Variants in PARD3 observed in about 807,000 individuals in gnomAD.
PARD3 encodes partitioning defective 3 homolog.
A neutral mutation model predicts 155.4 loss-of-function variants in PARD3; 75 were observed. The observed-to-expected ratio is 0.48, with a 90% CI of 0.40 to 0.58. The LOEUF is 0.58. PARD3 is among the 20% of genes least tolerant of loss of function. The pLI, the probability that PARD3 is intolerant of heterozygous loss-of-function variation, is 0.00. For missense variants in PARD3, 1,642 were observed against 1,721.7 expected, an observed-to-expected ratio of 0.95 and a Z score of 0.82; for synonymous variants, 576 against 610.5, an observed-to-expected ratio of 0.94 and a Z score of 0.83.
At chr10:34,129,832 C>CTTTTTTT (rs71030099) in intron 23 of PARD3, among the ~76,000 whole-genome samples, 3 of 120,126 alleles carry the variant, frequency 2.5e-5, no homozygotes, top group Admixed American at 8.7e-5. Context: ...TAATTAAAAA[C>CTTTTTTT]TTTTTTTTTT....
At chr10:34,744,055 C>A (rs1233709064) in intron 1 of PARD3, among the ~76,000 whole-genome samples, 2 of 152,186 alleles carry the variant, frequency 1.3e-5, no homozygotes, top group Non-Finnish European at 2.9e-5. Context: ...CAGGCCTGAG[C>A]CAATCCAGAT....
intron 18 of PARD3, among the ~76,000 whole-genome samples, chr10:34,335,957 C>G (rs1482414397): frequency 6.6e-6 from 1 of 151,952 alleles, no homozygotes; most frequent in Non-Finnish European, 1.5e-5. Flanking sequence ...TTAAGAAAAT[C>G]TAGGTTGTTT....
At chr10:34,799,848 C>T (rs1842682416) in intron 1 of PARD3, among the ~76,000 whole-genome samples, 1 of 151,116 alleles carries the variant, frequency 6.6e-6, no homozygotes, top group Non-Finnish European at 1.5e-5. Flanking sequence ...AACAAGTTAG[C>T]CAAGTGTGGT....
chr10:34,680,784 T>G (rs1321000855), intron 2 of PARD3, among the ~76,000 whole-genome samples: 2 of 129,608 alleles, frequency 1.5e-5, no homozygotes, highest in Non-Finnish European at 3.1e-5. Context: ...AATTGAACAA[T>G]GAGATCACAT....
chr10:34,532,948 T>A (rs1225080815), intron 2 of PARD3, among the ~76,000 whole-genome samples: 1 of 152,222 alleles, frequency 6.6e-6, no homozygotes, highest in Non-Finnish European at 1.5e-5. Context: ...GTATACCCTA[T>A]TACACACCTA....
At chr10:34,402,634 C>T (rs990501161) in intron 5 of PARD3, among the ~76,000 whole-genome samples, 1 of 152,158 alleles carries the variant, frequency 6.6e-6, no homozygotes. Context: ...TACTCAGCCC[C>T]CATCCTCCTA....
At chr10:34,485,716 T>A (rs528688579) in intron 3 of PARD3, among the ~76,000 whole-genome samples, 80 of 152,176 alleles carry the variant, frequency 5.3e-4, no homozygotes, top group Non-Finnish European at 1.0e-3. Context: ...TCAGGGAGAA[T>A]AGATGGTAAA....
intron 24 of PARD3, among the ~76,000 whole-genome samples, chr10:34,116,487 G>GT (rs1268797190): frequency 6.6e-6 from 1 of 152,144 alleles, no homozygotes; most frequent in Non-Finnish European, 1.5e-5. Context: ...GGTGGTTGCA[G>GT]TCCCCCCTGA....
chr10:34,748,972 T>A (rs1175514243), intron 1 of PARD3, among the ~76,000 whole-genome samples: 1 of 152,224 alleles, frequency 6.6e-6, no homozygotes, highest in Non-Finnish European at 1.5e-5. Flanking sequence ...ATCTTCCTTA[T>A]CTTTGTAGCA....
At chr10:34,560,513 C>G (rs2085381966) in intron 2 of PARD3, among the ~76,000 whole-genome samples, 1 of 152,202 alleles carries the variant, frequency 6.6e-6, no homozygotes, top group Non-Finnish European at 1.5e-5. Context: ...AAACAATCTA[C>G]TAAGTGAAAA....
intron 20 of PARD3, among the ~76,000 whole-genome samples, chr10:34,288,395 C>G (rs1399918886): frequency 6.6e-6 from 1 of 152,050 alleles, no homozygotes; most frequent in African/African-American, 2.4e-5. Context: ...ATGGATCACT[C>G]ACAGCTGTAA....
At chr10:34,175,076 A>C (rs74332432) in intron 22 of PARD3, among the ~76,000 whole-genome samples, 1 of 152,140 alleles carries the variant, frequency 6.6e-6, no homozygotes, top group East Asian at 1.9e-4. Flanking sequence ...ATCATTATTA[A>C]TTGTATCAAT....
rs752993561 is a variant in PARD3, at chr10:34,384,147, C to T, written c.998G>A (p.Arg333Gln). 14 of 1,613,690 alleles carry T rather than the reference C, an allele frequency of 8.7e-6. No individual in the cohort carries two copies. Among genetic ancestry groups the T allele is most frequent in the South Asian group, 3.3e-5 (3 of 91,062 alleles). The change falls in exon 8 of 25, where the codon CGA becomes CAA. Residue 333 changes from arginine (R) to glutamine (Q), a missense_variant. Arg to Gln is a conservative substitution (Grantham distance 43, BLOSUM62 1). This residue lies in a region of PARD3 where 1,529 missense variants were observed against 1,587.3 expected (regional missense o/e 0.96). Transcript: ENST00000374788. The stretch of plus-strand genomic sequence containing the variant: ...CACTTACTGTTCAAATCTTCTATTT[C>T]GAAGGTCGCCATCATTAATCCTGAC... Reference protein sequence around the residue: ...CIVRINDGDLRNRRFEQAQHM... With the variant: ...CIVRINDGDLQNRRFEQAQHM...
intron 20 of PARD3, among the ~76,000 whole-genome samples, chr10:34,292,375 G>C (rs192916794): frequency 6.6e-6 from 1 of 152,298 alleles, no homozygotes. Flanking sequence ...AAAGAGTACT[G>C]ATTTGCTCAG....
intron 18 of PARD3, among the ~76,000 whole-genome samples, chr10:34,334,143 T>A (rs1185577234): frequency 6.6e-6 from 1 of 151,824 alleles, no homozygotes; most frequent in Admixed American, 6.6e-5. Context: ...CATACTTTGC[T>A]AATCTCTATA....
At chr10:34,114,535 G>C (rs1316608835) in intron 24 of PARD3, among the ~76,000 whole-genome samples, 2 of 152,068 alleles carry the variant, frequency 1.3e-5, no homozygotes, top group Non-Finnish European at 2.9e-5. Flanking sequence ...GTAGAGATGG[G>C]ATTTCACCAT....
At chr10:34,413,955 G>A (rs978299103) in intron 5 of PARD3, among the ~76,000 whole-genome samples, 6 of 152,250 alleles carry the variant, frequency 3.9e-5, no homozygotes, top group East Asian at 3.9e-4. Flanking sequence ...AATAGTTAAC[G>A]ATCTCATTTC....
At chr10:34,413,733 C>T (rs74134129) in intron 5 of PARD3, among the ~76,000 whole-genome samples, 9,792 of 152,054 alleles carry the variant, frequency 0.064, 935 homozygotes, top group African/African-American at 0.21. Context: ...TGAAAATCAC[C>T]CCTATATATG....
At chr10:34,472,172 T>A (rs920459752) in intron 3 of PARD3, among the ~76,000 whole-genome samples, 1 of 152,172 alleles carries the variant, frequency 6.6e-6, no homozygotes, top group Non-Finnish European at 1.5e-5. Context: ...GGGCAAAAAT[T>A]TAGTCAACTC....
Sources: gnomAD v4.1 joint callset for allele counts (sites outside exome capture counted in the v4.1 genomes callset) on GRCh38, gnomAD v4.1.1 for gene constraint, gnomAD v4.1.1 regional missense constraint, MANE v1.5 for transcripts, NCBI Gene and HGNC (gene_info 2026-07-23, HGNC 2026-07-21) for gene names.